The following MAML3 variants were observed in gnomAD, a reference collection of about 807,000 sequenced individuals.
The protein encoded by MAML3 is mastermind-like protein 3.
MAML3 carries 27 observed loss-of-function variants against 101.9 expected under a neutral mutation model. The observed-to-expected ratio is 0.27, with a 90% confidence interval of 0.20 to 0.37. The LOEUF (loss-of-function observed/expected upper bound fraction) is 0.37. Ranked by LOEUF, MAML3 falls within the 10% of genes least tolerant of loss-of-function variation. The pLI, the probability that MAML3 is intolerant of heterozygous loss-of-function variation, is 1.00. For synonymous variants in MAML3, 501 were observed against 555.9 expected, an observed-to-expected ratio of 0.90 and a Z score of 1.39; for missense variants, 1,316 against 1,444.9, an observed-to-expected ratio of 0.91 and a Z score of 1.45.
intron 1 of MAML3, among the ~76,000 whole-genome samples, chr4:139,891,852 C>G (rs574663910): frequency 2.6e-5 from 4 of 152,324 alleles, no homozygotes; most frequent in African/African-American, 9.6e-5. Context: ...TCTAAAAGCA[C>G]GTTTCCACCG....
intron 1 of MAML3, among the ~76,000 whole-genome samples, chr4:140,125,842 A>G (rs2111031960): frequency 6.6e-6 from 1 of 152,196 alleles, no homozygotes; most frequent in Middle Eastern, 3.4e-3. Flanking sequence ...ACAGCGGTGC[A>G]ATCTTGGCTC....
intron 1 of MAML3, chr4:140,134,410 T>A (rs184535925): frequency 6.6e-6 from 3 of 456,666 alleles, no homozygotes; most frequent in South Asian, 4.6e-5. Context: ...CAGGCATAGA[T>A]GTTCCCCAAC....
At chr4:139,959,132 A>G (rs1258031128) in intron 1 of MAML3, among the ~76,000 whole-genome samples, 2 of 152,174 alleles carry the variant, frequency 1.3e-5, no homozygotes, top group Admixed American at 6.5e-5. Flanking sequence ...AGTTTAACTG[A>G]TATGTCTTTT....
At chr4:140,129,380 TC>T (rs564272805) in intron 1 of MAML3, among the ~76,000 whole-genome samples, 311 of 152,100 alleles carry the variant, frequency 2.0e-3, no homozygotes, top group African/African-American at 7.1e-3. Context: ...TGACTCTAAA[TC>T]CCCCCTACCC....
chr4:139,830,020 T>C (rs1731133272), intron 2 of MAML3, among the ~76,000 whole-genome samples: 1 of 152,206 alleles, frequency 6.6e-6, no homozygotes, highest in African/African-American at 2.4e-5. Flanking sequence ...AAGCTTTTGT[T>C]AGCTCTCTAG....
In MAML3 at chr4:140,118,359, G is replaced by T. The variant is rs547675642; in HGVS notation, c.468+34501C>A. ...ATATATACACCTATCTCATTAGGTT[G>T]AAGATTAAATGATCTAATAAGCATG... On this transcript the variant is annotated intron_variant, in intron 1 of 4. Coordinates refer to ENST00000509479, the MANE Select transcript of MAML3 (RefSeq NM_018717.5). Among the ~76,000 whole-genome samples, 6 of 152,184 alleles carry T rather than the reference G, an allele frequency of 3.9e-5. No individual in the cohort carries two copies. The South Asian group carries it at 1.2e-3, about 32-fold the overall frequency.
chr4:139,856,245 T>C (rs920921051), intron 2 of MAML3, among the ~76,000 whole-genome samples: 2 of 152,208 alleles, frequency 1.3e-5, no homozygotes, highest in Non-Finnish European at 2.9e-5. Flanking sequence ...GTGTATAGCA[T>C]AAATGGGTGC....
intron 2 of MAML3, among the ~76,000 whole-genome samples, chr4:139,845,817 T>A (rs1731433702): frequency 6.6e-6 from 1 of 152,224 alleles, no homozygotes; most frequent in African/African-American, 2.4e-5. Context: ...AATAAATACA[T>A]AGGTCATTTT....
intron 2 of MAML3, among the ~76,000 whole-genome samples, chr4:139,775,037 G>C (rs1233669995): frequency 6.6e-6 from 1 of 152,090 alleles, no homozygotes; most frequent in African/African-American, 2.4e-5. Flanking sequence ...GAATTACACG[G>C]GTCTGAGAAT....
chr4:140,104,640 G>A (rs1384721648), intron 1 of MAML3, among the ~76,000 whole-genome samples: 1 of 149,136 alleles, frequency 6.7e-6, no homozygotes, highest in Non-Finnish European at 1.5e-5. Flanking sequence ...TTACAGGCAC[G>A]CAACATCATG....
chr4:140,008,763 C>T (rs1025288559), intron 1 of MAML3, among the ~76,000 whole-genome samples: 19 of 152,102 alleles, frequency 1.2e-4, no homozygotes, highest in Non-Finnish European at 4.4e-5. Flanking sequence ...CCTTTATACA[C>T]GCGCACACAC....
At chr4:139,844,978 TTC>T (rs897242162) in intron 2 of MAML3, among the ~76,000 whole-genome samples, 1 of 151,866 alleles carries the variant, frequency 6.6e-6, no homozygotes, top group African/African-American at 2.4e-5. Flanking sequence ...CTATTTCTCT[TTC>T]TCTCTCTCTG....
intron 1 of MAML3, among the ~76,000 whole-genome samples, chr4:140,030,527 C>A (rs1726891189): frequency 6.6e-6 from 1 of 152,224 alleles, no homozygotes; most frequent in South Asian, 2.1e-4. Flanking sequence ...CCATCCACCT[C>A]CTCCCACCTT....
At chr4:139,983,305 A>G (rs1220062965) in intron 1 of MAML3, among the ~76,000 whole-genome samples, 4 of 152,184 alleles carry the variant, frequency 2.6e-5, no homozygotes, top group African/African-American at 4.8e-5. Flanking sequence ...TCTGTTTACC[A>G]TCTCCAAAGT....
intron 1 of MAML3, among the ~76,000 whole-genome samples, chr4:140,099,210 T>C (rs574990834): frequency 3.3e-5 from 5 of 150,150 alleles, no homozygotes; most frequent in African/African-American, 1.2e-4. Context: ...CATAAAACTC[T>C]GTTCACATTG....
chr4:140,120,696 T>A (rs1728593539), intron 1 of MAML3, among the ~76,000 whole-genome samples: 1 of 152,342 alleles, frequency 6.6e-6, no homozygotes, highest in East Asian at 1.9e-4. Flanking sequence ...TCTTTTTTTT[T>A]CCTCATAGAG....
intron 2 of MAML3, among the ~76,000 whole-genome samples, chr4:139,857,004 A>C (rs1731673516): frequency 6.6e-6 from 1 of 152,238 alleles, no homozygotes; most frequent in Non-Finnish European, 1.5e-5. Flanking sequence ...AACAAAACAT[A>C]AAAGAAGATA....
At chr4:140,087,741 A>G (rs1308361008) in intron 1 of MAML3, among the ~76,000 whole-genome samples, 2 of 152,174 alleles carry the variant, frequency 1.3e-5, no homozygotes. Flanking sequence ...TTTATCATCT[A>G]TATTTCATCC....
At chr4:140,090,503 C>A (rs1728025184) in intron 1 of MAML3, among the ~76,000 whole-genome samples, 2 of 152,216 alleles carry the variant, frequency 1.3e-5, no homozygotes, top group South Asian at 4.1e-4. Flanking sequence ...TACAGTAGCT[C>A]ATTTAGTTCT....
Sources: gnomAD v4.1 joint callset for allele counts (sites outside exome capture counted in the v4.1 genomes callset) on GRCh38, gnomAD v4.1.1 for gene constraint, MANE v1.5 for transcripts, NCBI Gene and HGNC (gene_info 2026-07-23, HGNC 2026-07-21) for gene names.